PTP4A3: variants seen among roughly 807,000 people sequenced by gnomAD.
PTP4A3 encodes the protein protein tyrosine phosphatase 4A3, also known as protein tyrosine phosphatase type IVA 3.
Under a neutral mutation model 15.2 loss-of-function variants are expected in PTP4A3, and 9 were observed. The observed-to-expected ratio is 0.59, with a 90% confidence interval of 0.36 to 1.03. The LOEUF is 1.03. Ranked by LOEUF, PTP4A3 falls within the 50% of genes least tolerant of loss-of-function variation. The pLI, the probability that PTP4A3 is intolerant of heterozygous loss-of-function variation, is 0.02. For synonymous variants in PTP4A3, 95 were observed against 102.0 expected, an observed-to-expected ratio of 0.93 and a Z score of 0.41; for missense variants, 234 against 252.1, an observed-to-expected ratio of 0.93 and a Z score of 0.49.
intron 1 of PTP4A3, among the ~76,000 whole-genome samples, chr8:141,393,432 A>G (rs1005222538): frequency 2.0e-5 from 3 of 152,176 alleles, no homozygotes; most frequent in Non-Finnish European, 4.4e-5. Flanking sequence ...GCTGTTTCCA[A>G]ATAGCCCCGC....
At chr8:141,417,652 G>T (rs996149719) in intron 1 of PTP4A3, among the ~76,000 whole-genome samples, 2 of 152,204 alleles carry the variant, frequency 1.3e-5, no homozygotes, top group African/African-American at 4.8e-5. Flanking sequence ...CCGGGAGAGG[G>T]CGCCGGGCCG....
intron 4 of PTP4A3, among the ~76,000 whole-genome samples, chr8:141,427,350 C>A (rs1364026866): frequency 6.6e-6 from 1 of 152,202 alleles, no homozygotes; most frequent in Non-Finnish European, 1.5e-5. Flanking sequence ...ACAAAGATCC[C>A]CCCACACACA....
chr8:141,423,773 G>A (rs1833440621), intron 2 of PTP4A3, among the ~76,000 whole-genome samples: 1 of 151,552 alleles, frequency 6.6e-6, no homozygotes, highest in Non-Finnish European at 1.5e-5. Context: ...CAGGATTGAG[G>A]CTTAGTAGGT....
At chr8:141,428,771 T>C (rs1225794612) in intron 5 of PTP4A3, among the ~76,000 whole-genome samples, 1 of 151,528 alleles carries the variant, frequency 6.6e-6, no homozygotes, top group African/African-American at 2.4e-5. Flanking sequence ...CACAAGCACA[T>C]GTGTGCCCAC....
intron 1 of PTP4A3, among the ~76,000 whole-genome samples, chr8:141,410,516 C>T (rs1443387294): frequency 6.6e-6 from 1 of 152,232 alleles, no homozygotes; most frequent in Non-Finnish European, 1.5e-5. Flanking sequence ...TCCTCACAGC[C>T]CCTGTGGGTA....
intron 2 of PTP4A3, among the ~76,000 whole-genome samples, chr8:141,422,715 C>G (rs1346635756): frequency 2.0e-5 from 3 of 152,108 alleles, no homozygotes; most frequent in African/African-American, 7.2e-5. Flanking sequence ...CTTTGCTGTC[C>G]CAGATGTTGC....
chr8:141,395,805 C>T (rs764018379), intron 1 of PTP4A3, among the ~76,000 whole-genome samples: 1 of 151,882 alleles, frequency 6.6e-6, no homozygotes, highest in Non-Finnish European at 1.5e-5. Context: ...CTCCTGGCAT[C>T]TTCCCGGGAT....
intron 1 of PTP4A3, among the ~76,000 whole-genome samples, chr8:141,419,569 C>T (rs536238135): frequency 1.5e-4 from 18 of 119,996 alleles, no homozygotes; most frequent in African/African-American, 4.9e-4. Context: ...ACCCCACCAC[C>T]GGTTTTTTTT....
intron 1 of PTP4A3, among the ~76,000 whole-genome samples, chr8:141,404,078 G>T (rs1048479988): frequency 6.6e-6 from 1 of 152,262 alleles, no homozygotes; most frequent in Non-Finnish European, 1.5e-5. Context: ...CAGGGCCACG[G>T]CGACACGCCT....
chr8:141,427,232 A>G (rs1338740484), intron 4 of PTP4A3, among the ~76,000 whole-genome samples, 163 bp downstream of exon 4: 1 of 152,206 alleles, frequency 6.6e-6, no homozygotes, highest in Non-Finnish European at 1.5e-5. Flanking sequence ...CTCTCCCAGC[A>G]TCACAGAGAG....
In PTP4A3 at chr8:141,422,111, C is replaced by A; in HGVS notation, c.-130C>A. The A allele has an allele frequency of 1.1e-6, 1 of 870,144 alleles. No homozygotes were observed. Among genetic ancestry groups the A allele is most frequent in the Non-Finnish European group, 1.8e-6 (1 of 554,130 alleles). 53.9% of individuals were successfully genotyped at this position (870,144 alleles called of 1,614,324 possible). On this transcript the variant is annotated 5_prime_UTR_variant, in exon 2 of 6. Coordinates refer to ENST00000521578, the MANE Select transcript of PTP4A3 (RefSeq NM_032611.3). ...GGGGTATGGGGGTGGGTTTTTAAAT[C>A]TCGTTTCTCTTGGACAAGCACAGGG...
intron 1 of PTP4A3, chr8:141,392,566 G>A (rs1234438943): frequency 6.6e-6 from 1 of 152,366 alleles, no homozygotes; most frequent in Non-Finnish European, 1.5e-5. Flanking sequence ...GGAAAGCAGA[G>A]CGTCAGGTCT....
intron 1 of PTP4A3, among the ~76,000 whole-genome samples, chr8:141,395,860 C>T (rs1003430059): frequency 6.6e-6 from 1 of 152,212 alleles, no homozygotes; most frequent in Non-Finnish European, 1.5e-5. Context: ...TGGTGTCTTC[C>T]CCAGATGTAG....
chr8:141,419,830 T>C (rs1329604511), intron 1 of PTP4A3, among the ~76,000 whole-genome samples: 1 of 152,124 alleles, frequency 6.6e-6, no homozygotes, highest in Non-Finnish European at 1.5e-5. Context: ...CCGCCCGCCT[T>C]GGCCTCCCAA....
At chr8:141,412,857 C>T (rs1294842346) in intron 1 of PTP4A3, among the ~76,000 whole-genome samples, 1 of 152,202 alleles carries the variant, frequency 6.6e-6, no homozygotes, top group Non-Finnish European at 1.5e-5. Flanking sequence ...CCCAGAGGCA[C>T]ACAGCATGCA....
chr8:141,427,929 G>A (rs1442906201), intron 5 of PTP4A3, 105 bp downstream of exon 5: 2 of 1,127,264 alleles, frequency 1.8e-6, no homozygotes, highest in East Asian at 5.2e-5. Context: ...TCGCTCTGAG[G>A]CTGCGTCGAT....
At chr8:141,398,756 G>T (rs191005827) in intron 1 of PTP4A3, among the ~76,000 whole-genome samples, 5 of 152,182 alleles carry the variant, frequency 3.3e-5, no homozygotes, top group Admixed American at 2.6e-4. Context: ...TTCAGTTGAT[G>T]ACGTCATTGT....
At position 141,426,604 on chromosome 8, in the gene PTP4A3, C is replaced by T. The variant is rs1833587471; in HGVS notation, c.199-335C>T. The stretch of plus-strand genomic sequence containing the variant: ...CACACAGGCGTGAGGGATTGTGACC[C>T]CAGAACCAGAGCTCGGGCTGACAGG... On this transcript the variant is annotated intron_variant, in intron 3 of 5. Coordinates refer to ENST00000521578, the MANE Select transcript of PTP4A3 (RefSeq NM_032611.3). 4 of 985,340 alleles carry T rather than the reference C, an allele frequency of 4.1e-6. No homozygotes were observed. In the Admixed American group the frequency reaches 2.5e-4, roughly 61 times the overall value. The allele number at this position is 985,340 out of a possible 1,614,324, so 61.0% of individuals were successfully genotyped here.
At chr8:141,417,959 C>T (rs1215372979) in intron 1 of PTP4A3, among the ~76,000 whole-genome samples, 1 of 151,890 alleles carries the variant, frequency 6.6e-6, no homozygotes, top group Non-Finnish European at 1.5e-5. Flanking sequence ...GACCCAGGGC[C>T]AGCACCGTGG....
Sources: allele counts gnomAD v4.1 joint callset (sites outside exome capture counted in the v4.1 genomes callset), GRCh38; gene constraint gnomAD v4.1.1; transcripts MANE v1.5; gene names NCBI Gene and HGNC (gene_info 2026-07-23, HGNC 2026-07-21).